Variants in TMBIM6 observed in about 807,000 individuals in gnomAD.
TMBIM6 encodes the protein bax inhibitor 1.
A neutral mutation model predicts 31.4 loss-of-function variants in TMBIM6; 13 were observed. The ratio of observed to expected loss-of-function variants is 0.41; its 90% CI spans 0.27 to 0.66. The LOEUF (loss-of-function observed/expected upper bound fraction) is 0.66, where lower values mean the gene tolerates loss of function less well. Ranked by LOEUF, TMBIM6 falls within the 30% of genes least tolerant of loss-of-function variation. The pLI is 0.28. For missense variants in TMBIM6, 275 were observed against 289.5 expected, an observed-to-expected ratio of 0.95 and a Z score of 0.36; for synonymous variants, 85 against 101.7, an observed-to-expected ratio of 0.84 and a Z score of 0.99.
At position 49,753,013 on chromosome 12, in the gene TMBIM6, A is replaced by T. The variant is rs1403445260; in HGVS notation, c.97A>T (p.Ser33Cys). 3 of 1,613,952 alleles carry T rather than the reference A, an allele frequency of 1.9e-6. No homozygotes were observed. Among genetic ancestry groups the T allele is most frequent in the African/African-American group, 1.3e-5 (1 of 74,900 alleles). The stretch of plus-strand genomic sequence containing the variant: ...GCAGCACCTGAAGAAGGTCTATGCA[A>T]GTTTTGCCCTTTGTATGTTTGTGGC... ...TQQHLKKVYASFALCMFVAAA... is the reference protein window; with the variant it reads ...TQQHLKKVYACFALCMFVAAA... The change falls in exon 3 of 10, where the codon AGT (serine) becomes TGT (cysteine). Residue 33 changes from serine (S) to cysteine (C), a missense_variant. Transcript: ENST00000267115.
intron 1 of TMBIM6, chr12:49,750,665 C>T (rs1337706535): frequency 1.3e-5 from 2 of 152,238 alleles, no homozygotes; most frequent in Non-Finnish European, 2.9e-5. Context: ...CAGCTTCTCA[C>T]TGTATCTGTC....
intron 9 of TMBIM6, 127 bp downstream of exon 9, chr12:49,761,906 T>C: frequency 1.2e-6 from 1 of 868,776 alleles, no homozygotes. Context: ...GGCAGGCCAC[T>C]GAGTAAGAGG....
intron 1 of TMBIM6, chr12:49,743,621 T>C (rs1307030087): frequency 2.0e-5 from 3 of 152,336 alleles, no homozygotes; most frequent in South Asian, 2.1e-4. Context: ...ATTATAGATA[T>C]AGTTCGCGCT....
At chr12:49,755,135 T>G (rs1945564859) in intron 3 of TMBIM6, among the ~76,000 whole-genome samples, 1 of 151,992 alleles carries the variant, frequency 6.6e-6, no homozygotes, top group African/African-American at 2.4e-5. Flanking sequence ...TTTTGTATTT[T>G]TAGTAGAGAC....
intron 1 of TMBIM6, among the ~76,000 whole-genome samples, chr12:49,744,984 C>T (rs1945363374): frequency 1.3e-5 from 2 of 151,972 alleles, no homozygotes; most frequent in African/African-American, 4.9e-5. Context: ...GGCATTTCAT[C>T]TCCAGTTACT....
chr12:49,764,057 TG>T lies in TMBIM6; in HGVS notation c.*1163del, dbSNP rs1241678599. ...CATTTTACTGATGCACTTTAGTTTT[TG>T]GTCTGTTACCTGTTTTCCAGAAATT... is the stretch of plus-strand genomic sequence containing the variant. On this transcript the variant is annotated 3_prime_UTR_variant, in exon 10 of 10. Coordinates refer to ENST00000267115, the MANE Select transcript of TMBIM6 (RefSeq NM_003217.3). The T allele has an allele frequency of 6.6e-6, 1 of 152,246 alleles. No homozygotes were observed. Among genetic ancestry groups the T allele is most frequent in the Non-Finnish European group, 1.5e-5 (1 of 68,042 alleles). 9.4% of individuals were successfully genotyped at this position (152,246 alleles called of 1,614,324 possible).
intron 1 of TMBIM6, chr12:49,742,413 A>G (rs758647741): frequency 3.1e-5 from 39 of 1,238,866 alleles, no homozygotes; most frequent in Non-Finnish European, 3.9e-5. Flanking sequence ...AGGCTTTGGT[A>G]TCTTTGTATA....
Position 49,761,701 on chromosome 12 carries a change from C to G in TMBIM6, c.615-3C>G. On this transcript the variant is annotated splice_polypyrimidine_tract_variant and splice_region_variant and intron_variant, in intron 8 of 9. Transcript: ENST00000267115. ...AGATCCTAATCTGGTTCTTGCCTTTCAGGCACTGCATTGATCTCTTCTTAG... is the reference window on the plus strand; with the variant it reads ...AGATCCTAATCTGGTTCTTGCCTTTGAGGCACTGCATTGATCTCTTCTTAG... 6.2e-7 allele frequency: 1 copy of G among 1,613,854 alleles called. No homozygotes were observed. The highest frequency in any genetic ancestry group is 8.5e-7 in the Non-Finnish European group (1 of 1,179,772).
At chr12:49,757,459 T>C (rs1285230118) in intron 4 of TMBIM6, among the ~76,000 whole-genome samples, 1 of 152,238 alleles carries the variant, frequency 6.6e-6, no homozygotes, top group Non-Finnish European at 1.5e-5. Flanking sequence ...TGAGATCTAT[T>C]GTGCAGGACA....
chr12:49,748,680 A>G (rs17123919), intron 1 of TMBIM6, among the ~76,000 whole-genome samples: 5,335 of 152,342 alleles, frequency 0.035, 143 homozygotes, highest in Middle Eastern at 0.085. Context: ...TTTACTTTTC[A>G]GTTACAAACG....
rs184799976 is a variant in TMBIM6 at position 49,755,558 on chromosome 12, A to G, written c.166-77A>G. ...GTTAGGAAGTTCAGACGAGTGTTTG[A>G]ACCCAATAAAGGTCTCTTGCAAAAT... On this transcript the variant is annotated intron_variant, in intron 3 of 9. Transcript: ENST00000267115. 161 of 1,562,214 alleles carry G rather than the reference A, an allele frequency of 1.0e-4. No individual in the cohort carries two copies. In the African/African-American group the frequency reaches 1.9e-3, roughly 18 times the overall value.
chr12:49,741,883 C>G (rs1945300995), intron 1 of TMBIM6: 1 of 547,484 alleles, frequency 1.8e-6, no homozygotes, highest in African/African-American at 2.0e-5. Flanking sequence ...CTATTCTGCC[C>G]CAGAGCGCTG....
At chr12:49,751,758 A>T (rs1307107595) in intron 1 of TMBIM6, among the ~76,000 whole-genome samples, 23 of 108,584 alleles carry the variant, frequency 2.1e-4, no homozygotes, top group Non-Finnish European at 3.4e-4. Context: ...TAGTGAGATA[A>T]TTTTTTTTTT....
chr12:49,748,458 A>G (rs1185050733), intron 1 of TMBIM6, among the ~76,000 whole-genome samples: 1 of 152,160 alleles, frequency 6.6e-6, no homozygotes, highest in African/African-American at 2.4e-5. Flanking sequence ...TGGGAGAGCT[A>G]TGTATTAAGC....
At chr12:49,759,968 C>T (rs925038801) in intron 8 of TMBIM6, among the ~76,000 whole-genome samples, 2 of 151,034 alleles carry the variant, frequency 1.3e-5, no homozygotes, top group East Asian at 2.0e-4. Flanking sequence ...AAAAATTAGT[C>T]GGGCGTGGTG....
intron 1 of TMBIM6, among the ~76,000 whole-genome samples, chr12:49,746,433 A>G (rs546377135): frequency 1.3e-5 from 2 of 152,190 alleles, no homozygotes; most frequent in South Asian, 2.1e-4. Context: ...AGTAATAACA[A>G]TGTTAGTACA....
intron 1 of TMBIM6, among the ~76,000 whole-genome samples, chr12:49,743,244 G>T (rs1017509186): frequency 3.8e-4 from 56 of 146,660 alleles, no homozygotes; most frequent in African/African-American, 1.3e-3. Flanking sequence ...TTATTATTAT[G>T]TTTTTTTTTT....
intron 1 of TMBIM6, among the ~76,000 whole-genome samples, chr12:49,748,644 A>C (rs1006109204): frequency 1.3e-5 from 2 of 152,192 alleles, no homozygotes; most frequent in African/African-American, 4.8e-5. Flanking sequence ...AATTAGAGGA[A>C]TTTGGTTATG....
chr12:49,759,760 T>G (rs1440888283), intron 8 of TMBIM6, among the ~76,000 whole-genome samples: 1 of 150,330 alleles, frequency 6.7e-6, no homozygotes, highest in Non-Finnish European at 1.5e-5. Flanking sequence ...TGAGCCAAGA[T>G]TGCACCACTG....
Sources: gnomAD v4.1 joint callset for allele counts (sites outside exome capture counted in the v4.1 genomes callset) on GRCh38, gnomAD v4.1.1 for gene constraint, MANE v1.5 for transcripts, NCBI Gene and HGNC (gene_info 2026-07-23, HGNC 2026-07-21) for gene names.